CRYL1: variants seen among roughly 807,000 people sequenced by gnomAD.
CRYL1 encodes crystallin lambda 1, also known as lambda-crystallin homolog.
In CRYL1, 29 loss-of-function variants were observed where a neutral mutation model predicts 36.6. The observed-to-expected ratio is 0.79, with a 90% CI of 0.59 to 1.08. CRYL1 has a LOEUF of 1.08. Ranked by LOEUF, CRYL1 falls within the 50% of genes least tolerant of loss-of-function variation. CRYL1 has a pLI of 0.00. For synonymous variants in CRYL1, 152 were observed against 151.5 expected (o/e 1.00, Z -0.02); for missense variants, 411 against 407.9 (o/e 1.01, Z -0.06).
intron 3 of CRYL1, among the ~76,000 whole-genome samples, chr13:20,467,714 G>A (rs906581048): frequency 2.6e-5 from 4 of 152,162 alleles, no homozygotes; most frequent in Admixed American, 6.5e-5. Flanking sequence ...CCAGCTGCTC[G>A]GGATGCTGAG....
At chr13:20,455,021 A>G (rs2032651664) in intron 3 of CRYL1, among the ~76,000 whole-genome samples, 1 of 152,250 alleles carries the variant, frequency 6.6e-6, no homozygotes, top group Admixed American at 6.5e-5. Context: ...TTCACATAAG[A>G]CATAAATGCC....
intron 1 of CRYL1, among the ~76,000 whole-genome samples, chr13:20,524,645 G>A (rs1189354876): frequency 6.6e-6 from 1 of 151,986 alleles, no homozygotes; most frequent in African/African-American, 2.4e-5. Flanking sequence ...CCAACGTGCT[G>A]GGATTACAGG....
chr13:20,433,024 A>G (rs2032107840), intron 4 of CRYL1, among the ~76,000 whole-genome samples: 1 of 152,128 alleles, frequency 6.6e-6, no homozygotes, highest in Non-Finnish European at 1.5e-5. Context: ...TCAAAAATAA[A>G]TTATTAGCAG....
intron 3 of CRYL1, chr13:20,473,188 C>T (rs1341830635): frequency 6.6e-6 from 1 of 152,238 alleles, no homozygotes; most frequent in Admixed American, 6.5e-5. Context: ...ATTTCGCTTT[C>T]CTCTCCACTT....
chr13:20,522,286 G>A (rs1244097272), intron 1 of CRYL1, among the ~76,000 whole-genome samples: 3 of 151,878 alleles, frequency 2.0e-5, no homozygotes, highest in Non-Finnish European at 4.4e-5. Flanking sequence ...GAAGGCAGAG[G>A]TTGCAGTGAG....
At position 20,431,278 on chromosome 13, in the gene CRYL1, G is replaced by C. The variant is rs575134848; in HGVS notation, c.633+824C>G. 3.2e-5 allele frequency: 32 copies of C among 985,440 alleles called. No homozygotes were observed. In the East Asian group the frequency reaches 3.6e-3, roughly 112 times the overall value. 61.0% of individuals were successfully genotyped at this position (985,440 alleles called of 1,614,324 possible). ...TCCAAACAAGGAACTGTGGAGCCAGGTGCAGATGACTCGAGCCCGAGCAGC... is the reference window on the plus strand; with the variant it reads ...TCCAAACAAGGAACTGTGGAGCCAGCTGCAGATGACTCGAGCCCGAGCAGC... On this transcript the variant is annotated intron_variant, in intron 5 of 7. Coordinates refer to ENST00000298248, the MANE Select transcript of CRYL1 (RefSeq NM_015974.3).
intron 3 of CRYL1, among the ~76,000 whole-genome samples, chr13:20,453,337 T>C (rs192714408): frequency 1.0e-3 from 152 of 152,226 alleles, no homozygotes; most frequent in African/African-American, 3.5e-3. Flanking sequence ...ACCAAGACAC[T>C]TCCAAATAAT....
intron 3 of CRYL1, among the ~76,000 whole-genome samples, chr13:20,446,092 GA>G (rs552723985): frequency 2.1e-3 from 322 of 152,242 alleles, no homozygotes; most frequent in African/African-American, 7.2e-3. Flanking sequence ...GTTTTCAGTA[GA>G]TTTTTTTTAA....
chr13:20,424,798 A>G (rs9506487), intron 5 of CRYL1, among the ~76,000 whole-genome samples: 110,109 of 152,032 alleles, frequency 0.72, 41,157 homozygotes, highest in Admixed American at 0.83. Flanking sequence ...GAGCAACAGG[A>G]AGAAAAGGCA....
intron 3 of CRYL1, among the ~76,000 whole-genome samples, chr13:20,454,332 A>G (rs766715273): frequency 6.6e-6 from 1 of 152,184 alleles, no homozygotes; most frequent in Non-Finnish European, 1.5e-5. Flanking sequence ...CATGATATAA[A>G]CAGATTTAAA....
intron 5 of CRYL1, among the ~76,000 whole-genome samples, chr13:20,416,369 C>T (rs2031665058): frequency 1.3e-5 from 2 of 152,224 alleles, no homozygotes; most frequent in African/African-American, 2.4e-5. Context: ...ACAGAAACTC[C>T]CGGAACCGTC....
At chr13:20,501,925 CAA>C (rs1165069292) in intron 2 of CRYL1, among the ~76,000 whole-genome samples, 1 of 152,174 alleles carries the variant, frequency 6.6e-6, no homozygotes, top group Non-Finnish European at 1.5e-5. Flanking sequence ...TACTGCAATG[CAA>C]AAGAGTCAGA....
chr13:20,484,441 TTA>T (rs1374742459), intron 3 of CRYL1, among the ~76,000 whole-genome samples: 1 of 152,132 alleles, frequency 6.6e-6, no homozygotes, highest in Non-Finnish European at 1.5e-5. Flanking sequence ...AGTCTAAAAA[TTA>T]TATGTCTCAC....
chr13:20,431,867 ATCAGG>A (rs1388184669), intron 5 of CRYL1: 17 of 1,473,086 alleles, frequency 1.2e-5, no homozygotes, highest in Non-Finnish European at 1.5e-5. Context: ...GTGTCCTGGT[ATCAGG>A]TGACTGTAAG....
chr13:20,411,589 T>C (rs902600571), intron 6 of CRYL1, among the ~76,000 whole-genome samples: 1 of 152,250 alleles, frequency 6.6e-6, no homozygotes, highest in African/African-American at 2.4e-5. Flanking sequence ...TATATACAAA[T>C]CTATATACAT....
intron 2 of CRYL1, among the ~76,000 whole-genome samples, chr13:20,498,470 G>A (rs2033651579): frequency 6.6e-6 from 1 of 152,112 alleles, no homozygotes; most frequent in Non-Finnish European, 1.5e-5. Context: ...CAGTGTCTAG[G>A]CCCGTGTGTC....
rs894575017 is a variant in CRYL1 at position 20,415,862 on chromosome 13, G to A, written c.634-2475C>T. 3.3e-5 allele frequency among the ~76,000 whole-genome samples: 5 copies of A among 151,992 alleles called. No homozygotes were observed. Among genetic ancestry groups the A allele is most frequent in the Admixed American group, 2.6e-4 (4 of 15,274 alleles). On this transcript the variant is annotated intron_variant, in intron 5 of 7. Transcript: ENST00000298248. The surrounding 1 kb of genome is among the most constrained non-coding windows in gnomAD (Gnocchi z 4.1). ...AATCACTGAGCGCGCGTTCTTTCGT[G>A]ACTTGTCTCTCACCATCCTGTTTCT...
rs147218730 is a variant in CRYL1 at position 20,431,039 on chromosome 13, G to A, written c.633+1063C>T. On this transcript the variant is annotated intron_variant, in intron 5 of 7. Transcript: ENST00000298248. ...CAAGACACAGAATCGAGGCAACCGCGTGGCAAATGCACCCGGCAGTCCAGT... is the reference window on the plus strand; with the variant it reads ...CAAGACACAGAATCGAGGCAACCGCATGGCAAATGCACCCGGCAGTCCAGT... 4.6e-4 allele frequency: 453 copies of A among 985,424 alleles called. 4 individuals carry two copies. The African/African-American group carries it at 5.9e-3, about 13-fold the overall frequency. The allele number at this position is 985,424 out of a possible 1,614,324, so 61.0% of individuals were successfully genotyped here. A position where few individuals can be genotyped will look rare whatever the true frequency, so the allele number is the denominator to read the frequency against.
chr13:20,517,119 C>T (rs2034013790), intron 1 of CRYL1, among the ~76,000 whole-genome samples: 1 of 152,076 alleles, frequency 6.6e-6, no homozygotes. Flanking sequence ...TCAACTTTCT[C>T]AATACAGTCT....
Sources: gnomAD v4.1 joint callset for allele counts (sites outside exome capture counted in the v4.1 genomes callset) on GRCh38, gnomAD v4.1.1 for gene constraint, Gnocchi (gnomAD v3.1) non-coding constraint, MANE v1.5 for transcripts, NCBI Gene and HGNC (gene_info 2026-07-23, HGNC 2026-07-21) for gene names.